The following EGLN1 variants were observed in gnomAD, a reference collection of about 807,000 sequenced individuals.
The protein encoded by EGLN1 is egl nine homolog 1.
EGLN1 carries 17 observed loss-of-function variants against 38.3 expected under a neutral mutation model. That is an observed-to-expected ratio of 0.44 (90% confidence interval 0.30 to 0.67). The LOEUF is 0.67. EGLN1 is among the 30% of genes least tolerant of loss of function. EGLN1 has a pLI of 0.08. For missense variants in EGLN1, 477 were observed against 603.3 expected, an observed-to-expected ratio of 0.79 and a Z score of 2.19; for synonymous variants, 283 against 257.5, an observed-to-expected ratio of 1.10 and a Z score of -0.95.
At chr1:231,398,337 T>TC (rs1688582643) in intron 1 of EGLN1, among the ~76,000 whole-genome samples, 1 of 151,748 alleles carries the variant, frequency 6.6e-6, no homozygotes. Flanking sequence ...ATCTTTTTCT[T>TC]TTTTTTAAAG....
rs1319483077 is a variant in EGLN1 at position 231,364,155 on chromosome 1, A to T, written c.*2256T>A. ...ATATAAACTTTTCCAAAAAATATAC[A>T]ATTTAAGACCTGTCTGGCAAGCACA... is the stretch of plus-strand genomic sequence containing the variant. On this transcript the variant is annotated 3_prime_UTR_variant, in exon 5 of 5. Transcript: ENST00000366641. 1 of 152,212 alleles carries T rather than the reference A, an allele frequency of 6.6e-6. No homozygotes were observed. The highest frequency in any genetic ancestry group is 1.9e-4 in the East Asian group (1 of 5,196). 9.4% of individuals were successfully genotyped at this position (152,212 alleles called of 1,614,324 possible). A position where few individuals can be genotyped will look rare whatever the true frequency, so the allele number is the denominator to read the frequency against.
intron 1 of EGLN1, among the ~76,000 whole-genome samples, chr1:231,382,227 G>A (rs1158808751): frequency 1.3e-5 from 2 of 152,174 alleles, no homozygotes; most frequent in Admixed American, 6.5e-5. Flanking sequence ...TTCAATTCCA[G>A]GGTCTAGAAG....
chr1:231,384,030 C>T (rs1330270250), intron 1 of EGLN1, among the ~76,000 whole-genome samples: 4 of 151,720 alleles, frequency 2.6e-5, no homozygotes, highest in African/African-American at 7.3e-5. Context: ...CCAGATGCCA[C>T]GAAATAAAAG....
At chr1:231,406,804 G>A (rs1688808373) in intron 1 of EGLN1, among the ~76,000 whole-genome samples, 1 of 152,020 alleles carries the variant, frequency 6.6e-6, no homozygotes, top group Non-Finnish European at 1.5e-5. Context: ...GATTCTGAAA[G>A]GGGTCCAGCA....
chr1:231,367,832 G>A (rs984361222), intron 3 of EGLN1, among the ~76,000 whole-genome samples, 196 bp from the exon 4 acceptor site: 1 of 152,204 alleles, frequency 6.6e-6, no homozygotes. Flanking sequence ...ATGAGTTTTT[G>A]TGACTTTCTT....
chr1:231,419,152 G>A (rs773274975), intron 1 of EGLN1, among the ~76,000 whole-genome samples: 2 of 152,094 alleles, frequency 1.3e-5, no homozygotes, highest in African/African-American at 2.4e-5. Context: ...GAGTTTAAAG[G>A]TCATCCCTCC....
chr1:231,414,288 G>C (rs1223353984), intron 1 of EGLN1, among the ~76,000 whole-genome samples: 1 of 152,098 alleles, frequency 6.6e-6, no homozygotes, highest in South Asian at 2.1e-4. Flanking sequence ...TGAAATAGTT[G>C]GGGTAGCTTT....
At chr1:231,368,224 T>C (rs1217417048) in intron 3 of EGLN1, among the ~76,000 whole-genome samples, 1 of 151,916 alleles carries the variant, frequency 6.6e-6, no homozygotes, top group Non-Finnish European at 1.5e-5. Context: ...GGTAAAAGAA[T>C]GGCTGTTACA....
At chr1:231,369,521 T>G (rs1479442735) in intron 3 of EGLN1, 1 of 975,984 alleles carries the variant, frequency 1.0e-6, no homozygotes, top group Non-Finnish European at 1.2e-6. Flanking sequence ...GCACATCATG[T>G]GATGTGACAG....
At chr1:231,376,471 G>A (rs937963168) in intron 1 of EGLN1, among the ~76,000 whole-genome samples, 1 of 152,126 alleles carries the variant, frequency 6.6e-6, no homozygotes, top group Non-Finnish European at 1.5e-5. Context: ...TGTTATAATT[G>A]TCCTATTTTA....
At chr1:231,374,890 T>C (rs942505839) in intron 1 of EGLN1, among the ~76,000 whole-genome samples, 4 of 152,152 alleles carry the variant, frequency 2.6e-5, no homozygotes, top group Admixed American at 2.6e-4. Flanking sequence ...CAGAAGACTG[T>C]TGGATGTTAA....
At chr1:231,389,661 G>A (rs1168428146) in intron 1 of EGLN1, among the ~76,000 whole-genome samples, 1 of 151,956 alleles carries the variant, frequency 6.6e-6, no homozygotes, top group Non-Finnish European at 1.5e-5. Context: ...AGAACAGTGG[G>A]GCTCTGACCG....
At chr1:231,369,677 G>A in intron 3 of EGLN1, 2 of 829,846 alleles carry the variant, frequency 2.4e-6, no homozygotes, top group South Asian at 5.5e-5. Context: ...AGTCGTTAGA[G>A]TCAACCATCA....
chr1:231,386,212 T>C (rs970314482), intron 1 of EGLN1, among the ~76,000 whole-genome samples: 2 of 152,144 alleles, frequency 1.3e-5, no homozygotes, highest in African/African-American at 4.8e-5. Flanking sequence ...AAGATTCAAG[T>C]CACAACTTTC....
rs1688635838 is a variant in EGLN1, at chr1:231,400,370, G to C, written c.891+20628C>G. ...TCTTCACCTCAGATTCAGAATCTCT[G>C]ATTCAGAAGATCTGTAGTGGGGCCC... On this transcript the variant is annotated intron_variant, in intron 1 of 4. Coordinates refer to ENST00000366641, the MANE Select transcript of EGLN1 (RefSeq NM_022051.3). Among the ~76,000 whole-genome samples, 5 of 151,972 alleles carry C rather than the reference G, an allele frequency of 3.3e-5. No individual in the cohort carries two copies. The South Asian group carries it at 8.3e-4, about 25-fold the overall frequency.
intron 2 of EGLN1, among the ~76,000 whole-genome samples, chr1:231,372,059 T>C (rs542922095): frequency 6.6e-6 from 1 of 152,326 alleles, no homozygotes; most frequent in East Asian, 1.9e-4. Flanking sequence ...TCCTGCTCCC[T>C]TCCCTTTGAC....
chr1:231,375,443 T>C (rs780166246), intron 1 of EGLN1, among the ~76,000 whole-genome samples: 61 of 152,208 alleles, frequency 4.0e-4, no homozygotes, highest in Non-Finnish European at 1.5e-4. Context: ...AGTAACCGAA[T>C]TGTTCTACTA....
chr1:231,396,151 C>T (rs1163232976), intron 1 of EGLN1, among the ~76,000 whole-genome samples: 2 of 151,904 alleles, frequency 1.3e-5, no homozygotes, highest in African/African-American at 4.8e-5. Flanking sequence ...GTCTCTAAAA[C>T]ACCCCCGTCT....
chr1:231,376,383 T>C (rs1687958267), intron 1 of EGLN1, among the ~76,000 whole-genome samples: 3 of 152,214 alleles, frequency 2.0e-5, no homozygotes, highest in South Asian at 2.1e-4. Context: ...AGAGCAATCG[T>C]CGTGGTACTT....
Sources: allele counts gnomAD v4.1 joint callset (sites outside exome capture counted in the v4.1 genomes callset), GRCh38; gene constraint gnomAD v4.1.1; transcripts MANE v1.5; gene names NCBI Gene and HGNC (gene_info 2026-07-23, HGNC 2026-07-21).